The following MTMR7 variants were observed in gnomAD, a reference collection of about 807,000 sequenced individuals.
MTMR7 encodes the protein phosphatidylinositol-3-phosphate phosphatase MTMR7.
Under a neutral mutation model 81.2 loss-of-function variants are expected in MTMR7, and 76 were observed. That is an observed-to-expected ratio of 0.94 (90% confidence interval 0.78 to 1.13). MTMR7 has a LOEUF of 1.13. Among genes scored for constraint, MTMR7 ranks in the 50% most tolerant of loss-of-function variants. MTMR7 has a pLI of 0.00. For missense variants in MTMR7, 1,044 were observed against 820.0 expected, an observed-to-expected ratio of 1.27 and a Z score of -3.34; for synonymous variants, 372 against 289.8, an observed-to-expected ratio of 1.28 and a Z score of -2.88.
intron 5 of MTMR7, among the ~76,000 whole-genome samples, chr8:17,347,186 C>G (rs1819581202): frequency 6.9e-6 from 1 of 144,210 alleles, no homozygotes; most frequent in African/African-American, 2.6e-5. Context: ...CAAGTGAGAT[C>G]TTGTTTCCGA....
At chr8:17,345,785 T>G (rs1319037151) in intron 5 of MTMR7, among the ~76,000 whole-genome samples, 4 of 152,214 alleles carry the variant, frequency 2.6e-5, no homozygotes, top group African/African-American at 9.6e-5. Flanking sequence ...CTTCTCCTAA[T>G]CTGATCACCA....
chr8:17,317,599 G>A (rs139928437), intron 7 of MTMR7, among the ~76,000 whole-genome samples: 1 of 152,170 alleles, frequency 6.6e-6, no homozygotes, highest in Non-Finnish European at 1.5e-5. Flanking sequence ...ATCTTCTCTT[G>A]TGGAAGTGTG....
chr8:17,382,673 C>A (rs1298981533), intron 1 of MTMR7, among the ~76,000 whole-genome samples: 1 of 152,148 alleles, frequency 6.6e-6, no homozygotes, highest in East Asian at 1.9e-4. Flanking sequence ...ACCCCTTGGT[C>A]AGAAAGTGCC....
intron 1 of MTMR7, among the ~76,000 whole-genome samples, chr8:17,411,973 C>T (rs565046723): frequency 3.3e-5 from 5 of 152,342 alleles, no homozygotes; most frequent in Admixed American, 3.3e-4. Flanking sequence ...TAAATTCACC[C>T]TTCTGGAATA....
chr8:17,410,929 T>C (rs1019323910), intron 1 of MTMR7, among the ~76,000 whole-genome samples: 5 of 152,064 alleles, frequency 3.3e-5, no homozygotes, highest in African/African-American at 1.2e-4. Flanking sequence ...AAAAACAAAC[T>C]TTGTATACAC....
intron 5 of MTMR7, 82 bp downstream of exon 5, chr8:17,348,871 C>G (rs1255934254): frequency 2.6e-6 from 4 of 1,530,770 alleles, no homozygotes; most frequent in Non-Finnish European, 3.6e-6. Flanking sequence ...CACACACGCA[C>G]AGCAGAAGGC....
intron 7 of MTMR7, among the ~76,000 whole-genome samples, chr8:17,330,672 G>A (rs1452074614): frequency 6.6e-6 from 1 of 152,130 alleles, no homozygotes; most frequent in Admixed American, 6.5e-5. Context: ...TGGAGGTGGC[G>A]GGAGGTTACA....
At position 17,297,150 on chromosome 8, in the gene MTMR7, C is replaced by G. The variant is rs995125696; in HGVS notation, c.*2712G>C. 3 of 152,022 alleles carry G rather than the reference C, an allele frequency of 2.0e-5. No homozygotes were observed. The highest frequency in any genetic ancestry group is 7.2e-5 in the African/African-American group (3 of 41,396). 9.4% of individuals were successfully genotyped at this position (152,022 alleles called of 1,614,324 possible). ...TGTGAAAGTTTGTATTCTGATTTTA[C>G]AAGATGAGATAGAAATCAGAATTAA... On this transcript the variant is annotated 3_prime_UTR_variant, in exon 14 of 14. Transcript: ENST00000180173.
At chr8:17,376,825 G>A (rs1820604072) in intron 1 of MTMR7, among the ~76,000 whole-genome samples, 1 of 152,050 alleles carries the variant, frequency 6.6e-6, no homozygotes, top group South Asian at 2.1e-4. Flanking sequence ...TTTAAAATCA[G>A]AAGTGAAAGT....
intron 1 of MTMR7, among the ~76,000 whole-genome samples, chr8:17,403,847 TG>T (rs1017257935): frequency 6.6e-6 from 1 of 152,242 alleles, no homozygotes; most frequent in African/African-American, 2.4e-5. Context: ...TAAATAGGAT[TG>T]GTCTCTTGAT....
intron 9 of MTMR7, 130 bp from the exon 10 acceptor site, chr8:17,309,456 G>A (rs191116134): frequency 8.7e-6 from 6 of 689,350 alleles, no homozygotes; most frequent in Non-Finnish European, 1.6e-5. Context: ...GCAAATGCAT[G>A]AACAGGCATT....
At chr8:17,326,921 G>A (rs1269906924) in intron 7 of MTMR7, among the ~76,000 whole-genome samples, 1 of 152,164 alleles carries the variant, frequency 6.6e-6, no homozygotes, top group Admixed American at 6.6e-5. Flanking sequence ...ACCATAGCAA[G>A]TATTTTGTAA....
At chr8:17,303,345 T>G (rs1817249628) in intron 12 of MTMR7, among the ~76,000 whole-genome samples, 1 of 152,000 alleles carries the variant, frequency 6.6e-6, no homozygotes, top group Non-Finnish European at 1.5e-5. Context: ...ATAATTAGAT[T>G]GAAATAATTA....
At chr8:17,392,417 G>A (rs1821132776) in intron 1 of MTMR7, among the ~76,000 whole-genome samples, 1 of 152,288 alleles carries the variant, frequency 6.6e-6, no homozygotes, top group African/African-American at 2.4e-5. Context: ...AATGTTTCAA[G>A]GTGTACAGTG....
intron 4 of MTMR7, among the ~76,000 whole-genome samples, chr8:17,357,387 G>A (rs1430935175): frequency 3.9e-5 from 6 of 152,206 alleles, no homozygotes; most frequent in African/African-American, 1.4e-4. Flanking sequence ...ACCATGTTGA[G>A]TGAAAAGTCA....
intron 1 of MTMR7, among the ~76,000 whole-genome samples, chr8:17,381,348 T>C (rs756752113): frequency 1.3e-5 from 2 of 152,160 alleles, no homozygotes; most frequent in Non-Finnish European, 2.9e-5. Flanking sequence ...TTCCCTTCAC[T>C]GCCTGGGCGT....
At chr8:17,342,160 T>C (rs1300195831) in intron 5 of MTMR7, among the ~76,000 whole-genome samples, 1 of 152,196 alleles carries the variant, frequency 6.6e-6, no homozygotes, top group African/African-American at 2.4e-5. Flanking sequence ...CAGAGTAGAT[T>C]GCACTGTCAG....
chr8:17,371,850 AGTTTT>A (rs1391381865), intron 2 of MTMR7, among the ~76,000 whole-genome samples: 5 of 124,246 alleles, frequency 4.0e-5, no homozygotes, highest in African/African-American at 1.6e-4. Flanking sequence ...ACTTACCTAT[AGTTTT>A]TTTTTTTTTT....
intron 11 of MTMR7, among the ~76,000 whole-genome samples, chr8:17,305,030 C>T (rs986342939): frequency 6.6e-6 from 1 of 152,252 alleles, no homozygotes; most frequent in East Asian, 1.9e-4. Context: ...TACAAGAAAA[C>T]AGGTGACCCT....
Sources: gnomAD v4.1 joint callset for allele counts (sites outside exome capture counted in the v4.1 genomes callset) on GRCh38, gnomAD v4.1.1 for gene constraint, MANE v1.5 for transcripts, NCBI Gene and HGNC (gene_info 2026-07-23, HGNC 2026-07-21) for gene names.